APC2: variants seen among roughly 807,000 people sequenced by gnomAD.
APC2 encodes adenomatous polyposis coli protein 2.
APC2 carries 41 observed loss-of-function variants against 72.5 expected under a neutral mutation model. That is an observed-to-expected ratio of 0.57 (90% CI 0.44 to 0.73). The LOEUF (loss-of-function observed/expected upper bound fraction) is 0.73, where lower values mean the gene tolerates loss of function less well. APC2 is among the 30% of genes least tolerant of loss of function. APC2 has a pLI of 0.00. For missense variants in APC2, 3,729 were observed against 3,403.4 expected (o/e 1.10, Z -2.38); for synonymous variants, 1,898 against 1,612.0 (o/e 1.18, Z -4.25).
upstream of APC2, among the ~76,000 whole-genome samples, chr19:1,447,918 G>C (rs377022065): frequency 6.6e-5 from 10 of 152,298 alleles, no homozygotes; most frequent in African/African-American, 2.4e-4. Flanking sequence ...ACCCCTGCCT[G>C]ATGGGGGCCT....
intron 13 of APC2, 65 bp downstream of exon 13, chr19:1,461,218 G>A (rs577117787): frequency 3.4e-5 from 48 of 1,402,110 alleles, no homozygotes; most frequent in Middle Eastern, 2.1e-4. Context: ...TGGCGGCAGC[G>A]GGCGAGCTCT....
rs760870745 is a variant in APC2 at position 1,465,774 on chromosome 19, G to A, written c.2473G>A (p.Gly825Ser). ...ALARTPPTRR[G>S]GKEAEKDTSG... ...GGCTCGCACCCCGCCCACCCGCCGAGGCGGCAAGGAGGCAGAGAAGGACAC... is the reference window on the plus strand; with the variant it reads ...GGCTCGCACCCCGCCCACCCGCCGAAGCGGCAAGGAGGCAGAGAAGGACAC... Residue 825 changes from glycine to serine, a missense_variant, in exon 15 of 15, where the codon GGC becomes AGC. Gly to Ser is a moderately conservative substitution (Grantham distance 56). Transcript: ENST00000590469. The A allele has an allele frequency of 6.4e-7, 1 of 1,566,518 alleles. No individual in the cohort carries two copies. Among genetic ancestry groups the A allele is most frequent in the Non-Finnish European group, 8.6e-7 (1 of 1,157,956 alleles).
Position 1,471,566 on chromosome 19 carries a change from G to A in APC2, c.*1353G>A, listed in dbSNP as rs2084135021. The A allele has an allele frequency of 6.6e-6, 1 of 152,220 alleles. No homozygotes were observed. The highest frequency in any genetic ancestry group is 1.5e-5 in the Non-Finnish European group (1 of 68,044). 9.4% of individuals were successfully genotyped at this position (152,220 alleles called of 1,614,324 possible). A position where few individuals can be genotyped will look rare whatever the true frequency, so the allele number is the denominator to read the frequency against. ...GTCTCCGTGACTGGGGCAACGCCTC[G>A]TCCTGCAGAGGGAGCCGACGACCTC... On this transcript the variant is annotated 3_prime_UTR_variant, in exon 15 of 15. Transcript: ENST00000590469.
rs111699814 is a variant in APC2 at position 1,467,927 on chromosome 19, G to T, written c.4626G>T (p.Pro1542=). The T allele has an allele frequency of 1.5e-5, 23 of 1,584,708 alleles. No individual in the cohort carries two copies. Among genetic ancestry groups the T allele is most frequent in the East Asian group, 1.1e-4 (5 of 43,532 alleles). ...AIPRAFTRER[P]QGRKEAPAPS... is the part of the protein sequence containing the mutation. ...CTCGCGCTTTTACGCGGGAGCGTCC[G>T]CAGGGCCGGAAGGAGGCCCCTGCCC... The change falls in exon 15 of 15, where the codon CCG becomes CCT. Residue 1542 remains proline (P), a synonymous_variant. Coordinates refer to ENST00000590469, the MANE Select transcript of APC2 (RefSeq NM_005883.3).
Position 1,461,188 on chromosome 19 carries a change from A to G in APC2, c.1638+35A>G, listed in dbSNP as rs2083917207. 3.8e-6 allele frequency: 6 copies of G among 1,559,218 alleles called. No homozygotes were observed. The Middle Eastern group carries it at 5.2e-4, about 135-fold the overall frequency. On this transcript the variant is annotated intron_variant, in intron 13 of 14. Transcript: ENST00000590469. ...CGGTGGGCGGCAGGGATGCTTCTTC[A>G]GTCACTGGAAGGAGACTGCTGGCGG...
In APC2 at chr19:1,470,519, C is replaced by T; in HGVS notation, c.*306C>T. 1 of 327,532 alleles carries T rather than the reference C, an allele frequency of 3.1e-6. No homozygotes were observed. Among genetic ancestry groups the T allele is most frequent in the Non-Finnish European group, 5.6e-6 (1 of 178,830 alleles). 20.3% of individuals were successfully genotyped at this position (327,532 alleles called of 1,614,324 possible). A position where few individuals can be genotyped will look rare whatever the true frequency, so the allele number is the denominator to read the frequency against. On this transcript the variant is annotated 3_prime_UTR_variant, in exon 15 of 15. Transcript: ENST00000590469. ...CGCGCGGCCCTTCCCCTGTCGGAAG[C>T]CGTTGCTTGACCCCGGGCGAGGGAG...
chr19:1,449,322 C>G (rs1035332666), upstream of APC2, among the ~76,000 whole-genome samples: 5 of 152,156 alleles, frequency 3.3e-5, no homozygotes, highest in East Asian at 5.8e-4. Context: ...GGGACGGGCT[C>G]TGTGTGTTAA....
rs1599159365 is a variant in APC2, at chr19:1,467,423, C to T, written c.4122C>T (p.Tyr1374=). 6.7e-7 allele frequency: 1 copy of T among 1,488,418 alleles called. No individual in the cohort carries two copies. The highest frequency in any genetic ancestry group is 8.9e-7 in the Non-Finnish European group (1 of 1,124,384). 92.2% of individuals were successfully genotyped at this position (1,488,418 alleles called of 1,614,324 possible). ...PGRRALPVPV[Y]MLVPAPAPAQ... ...GCCGCGCACTCCCCGTGCCCGTCTA[C>T]ATGTTGGTGCCCGCCCCGGCCCCGG... The change falls in exon 15 of 15, where the codon TAC becomes TAT. Residue 1374 remains tyrosine, a synonymous_variant. Transcript: ENST00000590469.
At chr19:1,456,485 G>A in intron 8 of APC2, 81 bp downstream of exon 8, 3 of 1,378,238 alleles carry the variant, frequency 2.2e-6, no homozygotes, top group Non-Finnish European at 2.9e-6. Flanking sequence ...GCCAGTGGTG[G>A]TGCCCTCCCA....
At position 1,466,058 on chromosome 19, in the gene APC2, C is replaced by T; in HGVS notation, c.2757C>T (p.His919=). Reference sequence around the variant, plus strand: ...CGCTGCTGCGGCTCAAGGCGGCCCACGCCAGCCTCTCCAACGACAGCCTCA... The same window carrying T: ...CGCTGCTGCGGCTCAAGGCGGCCCATGCCAGCCTCTCCAACGACAGCCTCA... ...AHPLLRLKAA[H]ASLSNDSLNS... is the part of the protein sequence containing the mutation. Residue 919 remains histidine, a synonymous_variant, in exon 15 of 15, where the codon CAC becomes CAT. Transcript: ENST00000590469. 3.3e-6 allele frequency: 5 copies of T among 1,512,620 alleles called. No individual in the cohort carries two copies. The South Asian group carries it at 3.9e-5, about 12-fold the overall frequency. The allele number at this position is 1,512,620 out of a possible 1,614,324, so 93.7% of individuals were successfully genotyped here. A position where few individuals can be genotyped will look rare whatever the true frequency, so the allele number is the denominator to read the frequency against.
At chr19:1,461,847 G>A (rs1261073992) in intron 13 of APC2, 116 bp from the exon 14 acceptor site, 18 of 834,086 alleles carry the variant, frequency 2.2e-5, no homozygotes, top group South Asian at 3.7e-5. Flanking sequence ...GTGAGATTCC[G>A]TCTCAAAAAA....
chr19:1,467,057 G>C lies in APC2; in HGVS notation c.3756G>C (p.Leu1252=), dbSNP rs752775937. The C allele has an allele frequency of 6.2e-7, 1 of 1,611,842 alleles. No homozygotes were observed. The highest frequency in any genetic ancestry group is 1.1e-5 in the South Asian group (1 of 91,012). The change falls in exon 15 of 15, where the codon CTG becomes CTC. Residue 1252 remains leucine (L), a synonymous_variant. Transcript: ENST00000590469. The part of the protein sequence containing the change: ...DIADCRERCR[L]PSELDAGSVR... ...CCGACTGCCGGGAGCGCTGCCGGCT[G>C]CCATCTGAGCTGGACGCAGGCAGCG...
chr19:1,453,231 T>C lies in APC2; in HGVS notation c.142-16T>C. On this transcript the variant is annotated splice_polypyrimidine_tract_variant and intron_variant, in intron 2 of 14. Transcript: ENST00000590469. ...CAGTGGCTGATGGCTTCCCGCCCTC[T>C]TTCCCGCCCCTGCAGGAGGTCCTGA... The C allele has an allele frequency of 3.2e-6, 5 of 1,558,512 alleles. No individual in the cohort carries two copies. The South Asian group carries it at 4.7e-5, about 15-fold the overall frequency.
rs2084073385 is a variant in APC2 at position 1,468,726 on chromosome 19, C to A, written c.5425C>A (p.Pro1809Thr). The change falls in exon 15 of 15, where the codon CCC (proline) becomes ACC (threonine). Residue 1809 changes from proline to threonine, a missense_variant. Transcript: ENST00000590469. ...ACCCCGTGCCCAGCCCAAAGGGACC[C>A]CCGGCCCCCGCGCCACACCGCGGAA... is the stretch of plus-strand genomic sequence containing the variant. The part of the protein sequence containing the change: ...PAPRAQPKGT[P>T]GPRATPRKVA... 5.3e-6 allele frequency: 8 copies of A among 1,507,044 alleles called. No homozygotes were observed. Among genetic ancestry groups the A allele is most frequent in the Non-Finnish European group, 7.1e-6 (8 of 1,123,916 alleles). 93.4% of individuals were successfully genotyped at this position (1,507,044 alleles called of 1,614,324 possible).
In APC2 at chr19:1,467,275, C is replaced by T; in HGVS notation, c.3974C>T (p.Pro1325Leu). 4 of 1,308,862 alleles carry T rather than the reference C, an allele frequency of 3.1e-6. No homozygotes were observed. The highest frequency in any genetic ancestry group is 6.2e-5 in the East Asian group (2 of 32,020). 81.1% of individuals were successfully genotyped at this position (1,308,862 alleles called of 1,614,324 possible). The change falls in exon 15 of 15, where the codon CCG becomes CTG. Residue 1325 changes from proline to leucine, a missense_variant. Coordinates refer to ENST00000590469, the MANE Select transcript of APC2 (RefSeq NM_005883.3). ...GGGCACCGGCGGCGGGAGGAGGGGC[C>T]GGCGCCCACGGGTTCTCGCCCTCGC... is the stretch of plus-strand genomic sequence containing the variant. ...FAGHRRREEG[P>L]APTGSRPRGA...
chr19:1,463,001 C>A (rs1259658010), intron 14 of APC2, among the ~76,000 whole-genome samples: 4 of 151,028 alleles, frequency 2.6e-5, no homozygotes, highest in Non-Finnish European at 5.9e-5. Context: ...TCAGGCTGGG[C>A]TCGGTCCCTC....
chr19:1,461,356 C>T (rs996944752), intron 13 of APC2: 4 of 601,134 alleles, frequency 6.7e-6, no homozygotes, highest in Non-Finnish European at 1.2e-5. Context: ...CCGTGGCTCA[C>T]TTGAGGTCAG....
chr19:1,456,254 G>A (rs1167504735), intron 7 of APC2, 52 bp from the exon 8 acceptor site: 3 of 1,569,008 alleles, frequency 1.9e-6, no homozygotes, highest in Middle Eastern at 1.8e-4. Context: ...TCACGGGTGA[G>A]CAGACTGGGT....
rs1267144008 is a variant in APC2, at chr19:1,455,979, G to A, written c.640-97G>A. The A allele has an allele frequency of 5.4e-6, 4 of 745,174 alleles. No homozygotes were observed. In the South Asian group the frequency reaches 6.7e-5, roughly 13 times the overall value. 46.2% of individuals were successfully genotyped at this position (745,174 alleles called of 1,614,324 possible). ...GGGGCGGGGTTATCAGGAAGAGGCG[G>A]GGTCAGAGCCCAGGGTGGGGTCATC... is the stretch of plus-strand genomic sequence containing the variant. On this transcript the variant is annotated intron_variant, in intron 6 of 14. Transcript: ENST00000590469.
Sources: gnomAD v4.1 joint callset for allele counts (sites outside exome capture counted in the v4.1 genomes callset) on GRCh38, gnomAD v4.1.1 for gene constraint, MANE v1.5 for transcripts, NCBI Gene and HGNC (gene_info 2026-07-23, HGNC 2026-07-21) for gene names.